Variants in ADAMTS2 observed in about 807,000 individuals in gnomAD.
The protein encoded by ADAMTS2 is A disintegrin and metalloproteinase with thrombospondin motifs 2.
A neutral mutation model predicts 123.0 loss-of-function variants in ADAMTS2; 50 were observed. That is an observed-to-expected ratio of 0.41 (90% CI 0.32 to 0.51). ADAMTS2 has a LOEUF of 0.51. ADAMTS2 is among the 20% of genes least tolerant of loss of function. The probability of loss-of-function intolerance (pLI) is 0.35; values close to 1 mark genes in which losing one functional copy is unlikely to be tolerated. For missense variants in ADAMTS2, 1,494 were observed against 1,705.2 expected, an observed-to-expected ratio of 0.88 and a Z score of 2.18; for synonymous variants, 678 against 695.4, an observed-to-expected ratio of 0.98 and a Z score of 0.39.
intron 2 of ADAMTS2, among the ~76,000 whole-genome samples, chr5:179,298,115 C>T (rs1261774245): frequency 7.2e-5 from 11 of 152,152 alleles, no homozygotes; most frequent in Non-Finnish European, 1.2e-4. Context: ...GACCCTGCAA[C>T]GCAGATTCCG....
chr5:179,295,025 A>G (rs1451712176), intron 2 of ADAMTS2, among the ~76,000 whole-genome samples: 1 of 152,136 alleles, frequency 6.6e-6, no homozygotes, highest in East Asian at 1.9e-4. Flanking sequence ...CACTGGCCGC[A>G]TGGATCATTG....
intron 3 of ADAMTS2, among the ~76,000 whole-genome samples, chr5:179,223,448 ACG>A (rs1163025216): frequency 1.3e-5 from 2 of 150,462 alleles, no homozygotes; most frequent in African/African-American, 5.0e-5. Flanking sequence ...GCACTCACAC[ACG>A]CACACTCACA....
At chr5:179,275,215 G>A (rs1345062161) in intron 2 of ADAMTS2, among the ~76,000 whole-genome samples, 1 of 152,128 alleles carries the variant, frequency 6.6e-6, no homozygotes, top group African/African-American at 2.4e-5. Flanking sequence ...AAATGGGTCT[G>A]GGGTCCTGGG....
intron 12 of ADAMTS2, 68 bp downstream of exon 12, chr5:179,137,701 A>T: frequency 6.6e-7 from 1 of 1,515,422 alleles, no homozygotes; most frequent in Non-Finnish European, 8.9e-7. Context: ...CAGAGGCACA[A>T]GCCCCCACCC....
intron 4 of ADAMTS2, among the ~76,000 whole-genome samples, chr5:179,206,343 G>A (rs1764693561): frequency 6.6e-6 from 1 of 152,096 alleles, no homozygotes; most frequent in African/African-American, 2.4e-5. Flanking sequence ...GTGTCAGCTT[G>A]GCTCCTGGAG....
At chr5:179,213,851 G>T (rs143139458) in intron 3 of ADAMTS2, among the ~76,000 whole-genome samples, 1 of 152,330 alleles carries the variant, frequency 6.6e-6, no homozygotes, top group African/African-American at 2.4e-5. Context: ...TGCTCCTAAA[G>T]CTTCAACCTG....
intron 4 of ADAMTS2, among the ~76,000 whole-genome samples, chr5:179,190,092 T>G (rs1419940798): frequency 6.6e-6 from 1 of 152,216 alleles, no homozygotes; most frequent in Non-Finnish European, 1.5e-5. Flanking sequence ...GCCATCTGGA[T>G]GTATATGTGC....
At chr5:179,313,027 C>T (rs539274545) in intron 2 of ADAMTS2, among the ~76,000 whole-genome samples, 19 of 152,310 alleles carry the variant, frequency 1.2e-4, no homozygotes, top group African/African-American at 4.6e-4. Flanking sequence ...GAGCTAAACC[C>T]TCCTCTTCCA....
At chr5:179,300,690 T>A (rs529655937) in intron 2 of ADAMTS2, among the ~76,000 whole-genome samples, 1 of 152,100 alleles carries the variant, frequency 6.6e-6, no homozygotes, top group Non-Finnish European at 1.5e-5. Context: ...TGAAGATAAA[T>A]CCCCTTATAA....
intron 4 of ADAMTS2, among the ~76,000 whole-genome samples, chr5:179,198,474 G>A (rs1764481545): frequency 6.6e-6 from 1 of 152,216 alleles, no homozygotes; most frequent in African/African-American, 2.4e-5. Context: ...GGGCCGCTGA[G>A]CCTCAGGAGA....
chr5:179,278,886 GGTAAA>G (rs963680255), intron 2 of ADAMTS2, among the ~76,000 whole-genome samples: 2 of 151,220 alleles, frequency 1.3e-5, no homozygotes, highest in African/African-American at 4.9e-5. Context: ...TTGGATTGAT[GGTAAA>G]GTAGTTACTA....
chr5:179,251,656 T>C (rs1342380946), intron 3 of ADAMTS2, among the ~76,000 whole-genome samples: 1 of 152,198 alleles, frequency 6.6e-6, no homozygotes, highest in Non-Finnish European at 1.5e-5. Context: ...AAACACTGTG[T>C]TATCATGTGA....
At chr5:179,271,222 C>T (rs138661844) in intron 3 of ADAMTS2, among the ~76,000 whole-genome samples, 14 of 152,306 alleles carry the variant, frequency 9.2e-5, no homozygotes, top group African/African-American at 1.7e-4. Context: ...AAGGCAAGGC[C>T]GGCCAGGCTG....
rs565539383 is a variant in ADAMTS2 at position 179,235,562 on chromosome 5, G to C, written c.689-27847C>G. On this transcript the variant is annotated intron_variant, in intron 3 of 21. Transcript: ENST00000251582. ...GTCTCAGGTCCTAGGGGTTGGTGCTGCCAGGAACTCTCATAGGAGAGGGCC... is the reference window on the plus strand; with the variant it reads ...GTCTCAGGTCCTAGGGGTTGGTGCTCCCAGGAACTCTCATAGGAGAGGGCC... Among the ~76,000 whole-genome samples, 18 of 152,334 alleles carry C rather than the reference G, an allele frequency of 1.2e-4. No homozygotes were observed. In the South Asian group the frequency reaches 3.5e-3, roughly 30 times the overall value.
chr5:179,316,058 A>G (rs1756980733), intron 2 of ADAMTS2, among the ~76,000 whole-genome samples: 1 of 152,240 alleles, frequency 6.6e-6, no homozygotes, highest in Admixed American at 6.5e-5. Flanking sequence ...ATGAAACCTA[A>G]GAACATCAAA....
chr5:179,298,467 C>G (rs1453418255), intron 2 of ADAMTS2, among the ~76,000 whole-genome samples: 1 of 152,194 alleles, frequency 6.6e-6, no homozygotes, highest in Non-Finnish European at 1.5e-5. Context: ...GCAGCCCTCA[C>G]CAGACACCAA....
At chr5:179,139,740 G>A (rs1763128373) in intron 11 of ADAMTS2, 150 bp downstream of exon 11, 2 of 1,212,770 alleles carry the variant, frequency 1.6e-6, no homozygotes, top group Non-Finnish European at 2.3e-6. Flanking sequence ...CCCCTCCCAG[G>A]TAGGGTGAGG....
intron 3 of ADAMTS2, among the ~76,000 whole-genome samples, chr5:179,258,166 C>T (rs1434494511): frequency 6.6e-6 from 1 of 152,210 alleles, no homozygotes; most frequent in Non-Finnish European, 1.5e-5. Flanking sequence ...GAGCCCTCTG[C>T]ACACGCTGGG....
chr5:179,209,506 C>T (rs770848797), intron 3 of ADAMTS2, among the ~76,000 whole-genome samples: 9 of 141,430 alleles, frequency 6.4e-5, no homozygotes, highest in African/African-American at 1.6e-4. Flanking sequence ...TGTGTCCCCT[C>T]GGCGCACACA....
Sources: allele counts gnomAD v4.1 joint callset (sites outside exome capture counted in the v4.1 genomes callset), GRCh38; gene constraint gnomAD v4.1.1; transcripts MANE v1.5; gene names NCBI Gene and HGNC (gene_info 2026-07-23, HGNC 2026-07-21).